The following AP1S2 variants were observed in gnomAD, a reference collection of about 807,000 sequenced individuals.
AP1S2 encodes AP-1 complex subunit sigma-2.
AP1S2 carries 1 observed loss-of-function variant against 14.3 expected under a neutral mutation model. The ratio of observed to expected loss-of-function variants is 0.07; its 90% CI spans 0.02 to 0.33. The LOEUF (loss-of-function observed/expected upper bound fraction) is 0.33. AP1S2 is among the 10% of genes least tolerant of loss of function. The probability of loss-of-function intolerance (pLI) is 0.99; values close to 1 mark genes in which losing one functional copy is unlikely to be tolerated. For missense variants in AP1S2, 30 were observed against 117.7 expected (o/e 0.25, Z 3.45); for synonymous variants, 30 against 40.5 (o/e 0.74, Z 0.99).
In AP1S2 at chrX:15,833,208, A is replaced by AG. The variant is rs758080058; in HGVS notation, c.427-5009dup. 7.4e-4 allele frequency: 555 copies of AG among 752,844 alleles called. 1 individual carries two copies. In the African/African-American group the frequency reaches 0.01, roughly 14 times the overall value. 62.0% of individuals were successfully genotyped at this position (752,844 alleles called of 1,213,427 possible). A position where few individuals can be genotyped will look rare whatever the true frequency, so the allele number is the denominator to read the frequency against. ...ATCGAGAGCTTACGCTCATTAAAAGAGAAGAGGTGGTTTCCCAAACAGGGC... is the reference window on the plus strand; with the variant it reads ...ATCGAGAGCTTACGCTCATTAAAAGAGGAAGAGGTGGTTTCCCAAACAGGGC... On this transcript the variant is annotated intron_variant, in intron 4 of 5. Transcript: ENST00000672987.
intron 4 of AP1S2, among the ~76,000 whole-genome samples, chrX:15,834,498 CAG>C (rs1376154480): frequency 2.1e-5 from 1 of 47,090 alleles, no homozygotes; most frequent in African/African-American, 7.8e-5. Context: ...TTTTTTGAGA[CAG>C]AGTCTTGCTC....
chrX:15,852,807 A>C (rs1934218059), intron 1 of AP1S2: 2 of 724,921 alleles, frequency 2.8e-6, no homozygotes, highest in Admixed American at 1.7e-4. Flanking sequence ...ATTTTTGAAG[A>C]AAAATAAAGA....
At chrX:15,840,464 C>A in intron 4 of AP1S2, 1 of 807,230 alleles carries the variant, frequency 1.2e-6, no homozygotes, top group African/African-American at 2.1e-5. Flanking sequence ...TCCATTTTAT[C>A]CATGCCACAA....
chrX:15,845,847 A>G, intron 3 of AP1S2, 56 bp downstream of exon 3: 1 of 1,002,310 alleles, frequency 1.0e-6, no homozygotes, highest in Non-Finnish European at 1.4e-6. Context: ...CTTGTTAGAG[A>G]AAAGGTTCCA....
chrX:15,831,248 G>T, intron 4 of AP1S2: 1 of 741,119 alleles, frequency 1.3e-6, no homozygotes, highest in South Asian at 6.9e-5. Context: ...ATGTGTTTAA[G>T]ATTTAATATT....
intron 4 of AP1S2, among the ~76,000 whole-genome samples, chrX:15,835,446 A>AGACT (rs1418543241): frequency 1.8e-5 from 2 of 111,949 alleles, no homozygotes; most frequent in Non-Finnish European, 3.8e-5. Flanking sequence ...AGAAGGCCAG[A>AGACT]GACTATCTTA....
At chrX:15,846,194 A>G (rs1459543730) in intron 2 of AP1S2, among the ~76,000 whole-genome samples, 183 bp from the exon 3 acceptor site, 1 of 112,390 alleles carries the variant, frequency 8.9e-6, no homozygotes, top group Admixed American at 9.5e-5. Flanking sequence ...TGAAAAGCAT[A>G]GGCAAGTATA....
intron 4 of AP1S2, chrX:15,844,936 G>A (rs951656269): frequency 1.4e-6 from 1 of 700,068 alleles, no homozygotes; most frequent in Non-Finnish European, 1.7e-6. Flanking sequence ...ATGGACATGA[G>A]GTAAAAATAT....
In AP1S2 at chrX:15,831,604, T is replaced by C. The variant is rs1236274933; in HGVS notation, c.427-3404A>G. ...AATGCATATATTCTTACACACAGTA[T>C]ACAAACTGACACAGACACAATCAGA... On this transcript the variant is annotated intron_variant, in intron 4 of 5. Coordinates refer to ENST00000672987, the MANE Select transcript of AP1S2 (RefSeq NM_001272071.2). 7 of 778,295 alleles carry C rather than the reference T, an allele frequency of 9.0e-6. No homozygotes were observed. In the African/African-American group the frequency reaches 1.6e-4, roughly 18 times the overall value. 64.1% of individuals were successfully genotyped at this position (778,295 alleles called of 1,213,427 possible). A position where few individuals can be genotyped will look rare whatever the true frequency, so the allele number is the denominator to read the frequency against.
In AP1S2 at chrX:15,854,668, T is replaced by G; in HGVS notation, c.-1+20A>C. On this transcript the variant is annotated intron_variant, in intron 1 of 5. Coordinates refer to ENST00000672987, the MANE Select transcript of AP1S2 (RefSeq NM_001272071.2). ...CCTCTCCCCCATCCCCGGCGCCCCC[T>G]TTCGCCCCCAGGGACTTACGGCGGC... is the stretch of plus-strand genomic sequence containing the variant. 2.3e-5 allele frequency: 12 copies of G among 515,612 alleles called. No individual in the cohort carries two copies. The highest frequency in any genetic ancestry group is 2.6e-5 in the Non-Finnish European group (11 of 422,016). 42.5% of individuals were successfully genotyped at this position (515,612 alleles called of 1,213,427 possible). A position where few individuals can be genotyped will look rare whatever the true frequency, so the allele number is the denominator to read the frequency against.
At chrX:15,839,039 T>G (rs1413465172) in intron 4 of AP1S2, among the ~76,000 whole-genome samples, 1 of 112,130 alleles carries the variant, frequency 8.9e-6, no homozygotes, top group Non-Finnish European at 1.9e-5. Flanking sequence ...TGAGCCACCA[T>G]GCCTGGCCAA....
In AP1S2 at chrX:15,827,167, C is replaced by G; in HGVS notation, c.*158G>C. 1 of 535,046 alleles carries G rather than the reference C, an allele frequency of 1.9e-6. No individual in the cohort carries two copies. The highest frequency in any genetic ancestry group is 3.4e-5 in the East Asian group (1 of 29,197). The allele number at this position is 535,046 out of a possible 1,213,427, so 44.1% of individuals were successfully genotyped here. A position where few individuals can be genotyped will look rare whatever the true frequency, so the allele number is the denominator to read the frequency against. On this transcript the variant is annotated 3_prime_UTR_variant, in exon 6 of 6. Coordinates refer to ENST00000672987, the MANE Select transcript of AP1S2 (RefSeq NM_001272071.2). ...TTATCACTTAATTAACTAAAGTTCC[C>G]TTTTAAAAAAAAATTGTGTAGGCAT...
At chrX:15,852,037 GACC>G (rs1934196136) in intron 2 of AP1S2, among the ~76,000 whole-genome samples, 1 of 111,980 alleles carries the variant, frequency 8.9e-6, no homozygotes, top group South Asian at 3.6e-4. Flanking sequence ...TTAAAATACT[GACC>G]CTACTTTCCC....
At position 15,852,330 on chromosome X, in the gene AP1S2, C is replaced by T; in HGVS notation, c.179+16G>A. On this transcript the variant is annotated intron_variant, in intron 2 of 5. Transcript: ENST00000672987. ...ATTTGATTCTATTTCACCTTTCTGA[C>T]AAACAAAAATTATACCTTTTGTAAA... is the stretch of plus-strand genomic sequence containing the variant. 1 of 1,205,288 alleles carries T rather than the reference C, an allele frequency of 8.3e-7. No homozygotes were observed. Among genetic ancestry groups the T allele is most frequent in the Non-Finnish European group, 1.1e-6 (1 of 891,046 alleles).
intron 4 of AP1S2, among the ~76,000 whole-genome samples, chrX:15,843,353 C>T (rs199523529): frequency 9.0e-6 from 1 of 111,194 alleles, no homozygotes; most frequent in African/African-American, 3.3e-5. Flanking sequence ...GTCAGGAGTT[C>T]GAGACCAGCC....
Position 15,834,451 on chromosome X carries a change from TATATATATATATATATATATATATATATA to T in AP1S2, c.427-6280_427-6252del, listed in dbSNP as rs1425734804. On this transcript the variant is annotated intron_variant, in intron 4 of 5. Coordinates refer to ENST00000672987, the MANE Select transcript of AP1S2 (RefSeq NM_001272071.2). ...TTCTCCCTTCCAAAATATATATATA[TATATATATATATATATATATATATATATA>T]ATTTTTTTTTTTTGAGACAGAGTCT... Among the ~76,000 whole-genome samples the T allele has an allele frequency of 1.1e-4, 3 of 27,688 alleles. No individual in the cohort carries two copies. In the Admixed American group the frequency reaches 1.1e-3, roughly 10 times the overall value. 24.0% of individuals were successfully genotyped at this position (27,688 alleles called of 115,157 possible). A position where few individuals can be genotyped will look rare whatever the true frequency, so the allele number is the denominator to read the frequency against.
intron 2 of AP1S2, among the ~76,000 whole-genome samples, chrX:15,848,881 C>T (rs886483572): frequency 8.9e-6 from 1 of 112,121 alleles, no homozygotes; most frequent in Non-Finnish European, 1.9e-5. Context: ...GTTCTCAATA[C>T]CCACTGGTAT....
At chrX:15,840,640 G>GA (rs1275654438) in intron 4 of AP1S2, 4 of 739,560 alleles carry the variant, frequency 5.4e-6, no homozygotes, top group Non-Finnish European at 7.4e-6. Context: ...TGACTTTACA[G>GA]AAAAAAAGCC....
chrX:15,838,150 C>T (rs1427869057), intron 4 of AP1S2, among the ~76,000 whole-genome samples: 3 of 111,370 alleles, frequency 2.7e-5, no homozygotes, highest in Non-Finnish European at 5.7e-5. Context: ...AGGGGGCTGT[C>T]CTGTGCACTG....
Sources: allele counts gnomAD v4.1 joint callset (sites outside exome capture counted in the v4.1 genomes callset), GRCh38; gene constraint gnomAD v4.1.1; transcripts MANE v1.5; gene names NCBI Gene and HGNC (gene_info 2026-07-23, HGNC 2026-07-21).